IL1RAPL1: variants seen among roughly 807,000 people sequenced by gnomAD.
IL1RAPL1 encodes interleukin 1 receptor accessory protein like 1.
IL1RAPL1 carries 3 observed loss-of-function variants against 48.4 expected under a neutral mutation model. The ratio of observed to expected loss-of-function variants is 0.06; its 90% CI spans 0.03 to 0.16. The LOEUF (loss-of-function observed/expected upper bound fraction) is 0.16. Among genes scored for constraint, IL1RAPL1 ranks in the 10% least tolerant of loss-of-function variants. The pLI, the probability that IL1RAPL1 is intolerant of heterozygous loss-of-function variation, is 1.00. For missense variants in IL1RAPL1, 349 were observed against 530.6 expected (o/e 0.66, Z 3.36); for synonymous variants, 185 against 187.7 (o/e 0.99, Z 0.12).
At chrX:29,773,066 T>A (rs775154446) in intron 6 of IL1RAPL1, among the ~76,000 whole-genome samples, 1 of 112,249 alleles carries the variant, frequency 8.9e-6, no homozygotes, top group Non-Finnish European at 1.9e-5. Context: ...GAGAGAAATT[T>A]AAGTAAATAT....
chrX:29,008,132 G>A (rs1926027577), intron 2 of IL1RAPL1, among the ~76,000 whole-genome samples: 1 of 110,418 alleles, frequency 9.1e-6, no homozygotes, highest in African/African-American at 3.3e-5. Context: ...CTCCTGAGTA[G>A]CTGAGATTAC....
chrX:29,658,316 G>C (rs1438987469), intron 5 of IL1RAPL1, among the ~76,000 whole-genome samples: 1 of 111,528 alleles, frequency 9.0e-6, no homozygotes, highest in Non-Finnish European at 1.9e-5. Context: ...AATGTAGAAG[G>C]TGAAAAACGA....
chrX:29,279,435 C>CAAAAAAAAAAAAAAA (rs369340241), intron 2 of IL1RAPL1, among the ~76,000 whole-genome samples: 29 of 83,390 alleles, frequency 3.5e-4, no homozygotes, highest in African/African-American at 1.2e-3. Context: ...GACTCCATCT[C>CAAAAAAAAAAAAAAA]AAAAAAAAAA....
chrX:29,050,702 C>G (rs1011327638), intron 2 of IL1RAPL1, among the ~76,000 whole-genome samples: 4 of 112,341 alleles, frequency 3.6e-5, no homozygotes, highest in Non-Finnish European at 7.5e-5. Flanking sequence ...ATTTTCTGAA[C>G]TGCACAATCA....
intron 2 of IL1RAPL1, among the ~76,000 whole-genome samples, chrX:28,915,582 T>C (rs1416352610): frequency 8.9e-6 from 1 of 111,850 alleles, no homozygotes; most frequent in African/African-American, 3.2e-5. Context: ...TACATTATTA[T>C]TATTGTTTCT....
intron 2 of IL1RAPL1, among the ~76,000 whole-genome samples, chrX:28,943,573 C>T (rs987070940): frequency 1.8e-5 from 2 of 109,162 alleles, no homozygotes; most frequent in African/African-American, 6.6e-5. Context: ...AAAATTTCCC[C>T]AGCCCCTAAA....
intron 6 of IL1RAPL1, among the ~76,000 whole-genome samples, chrX:29,733,545 A>C (rs1927972705): frequency 8.9e-6 from 1 of 112,172 alleles, no homozygotes; most frequent in Non-Finnish European, 1.9e-5. Flanking sequence ...CTCATTGTAC[A>C]TGTCTCCAAC....
chrX:28,943,016 A>G (rs749126544), intron 2 of IL1RAPL1, among the ~76,000 whole-genome samples: 3 of 110,634 alleles, frequency 2.7e-5, no homozygotes, highest in Non-Finnish European at 3.8e-5. Context: ...AGATCAACAC[A>G]TTATGTGATG....
At chrX:29,321,598 CGT>C (rs1569284978) in intron 3 of IL1RAPL1, among the ~76,000 whole-genome samples, 4 of 111,406 alleles carry the variant, frequency 3.6e-5, no homozygotes, top group Non-Finnish European at 7.5e-5. Flanking sequence ...TGTTTTAGTA[CGT>C]ATAATTTAGA....
At chrX:28,810,076 G>A (rs1936775859) in intron 2 of IL1RAPL1, among the ~76,000 whole-genome samples, 1 of 109,766 alleles carries the variant, frequency 9.1e-6, no homozygotes, top group South Asian at 3.8e-4. Flanking sequence ...AGGAGGGAGA[G>A]GTTCCTGTTT....
At chrX:29,358,530 A>T (rs773877396) in intron 3 of IL1RAPL1, among the ~76,000 whole-genome samples, 2 of 110,117 alleles carry the variant, frequency 1.8e-5, no homozygotes, top group African/African-American at 6.6e-5. Flanking sequence ...ACATAAATAC[A>T]TATGTGTTAT....
At chrX:29,799,464 A>G (rs776255703) in intron 6 of IL1RAPL1, among the ~76,000 whole-genome samples, 52 of 112,413 alleles carry the variant, frequency 4.6e-4, no homozygotes, top group Non-Finnish European at 8.6e-4. Context: ...AAAACCAATT[A>G]GGCCATTTAT....
intron 6 of IL1RAPL1, among the ~76,000 whole-genome samples, chrX:29,797,570 T>C (rs1929773829): frequency 9.0e-6 from 1 of 111,701 alleles, no homozygotes; most frequent in Non-Finnish European, 1.9e-5. Flanking sequence ...ATTTGCATCA[T>C]CTCCAAAGAG....
intron 5 of IL1RAPL1, among the ~76,000 whole-genome samples, chrX:29,659,489 C>T (rs192529723): frequency 0.079 from 8,865 of 111,999 alleles, 293 homozygotes; most frequent in Middle Eastern, 0.2. Context: ...TACTACTTTA[C>T]GTTTCCACCA....
intron 2 of IL1RAPL1, among the ~76,000 whole-genome samples, chrX:28,928,917 CAAAACAA>C (rs1923814906): frequency 8.9e-6 from 1 of 112,128 alleles, no homozygotes; most frequent in Non-Finnish European, 1.9e-5. Flanking sequence ...AGGATGAAGT[CAAAACAA>C]ACTGTACTGT....
rs756126045 is a variant in IL1RAPL1 at position 29,772,020 on chromosome X, C to T, written c.778+103516C>T. Among the ~76,000 whole-genome samples, 11 of 110,280 alleles carry T rather than the reference C, an allele frequency of 1.0e-4. No homozygotes were observed. In the South Asian group the frequency reaches 1.6e-3, roughly 16 times the overall value. On this transcript the variant is annotated intron_variant, in intron 6 of 10. Coordinates refer to ENST00000378993, the MANE Select transcript of IL1RAPL1 (RefSeq NM_014271.4). ...TCACAAGAACAGCATGGGAGAGACC[C>T]GCCTCCATGATTCAGTTGCCTCCCA...
chrX:29,682,148 T>C (rs1266301205), intron 6 of IL1RAPL1, among the ~76,000 whole-genome samples: 1 of 112,024 alleles, frequency 8.9e-6, no homozygotes, highest in Non-Finnish European at 1.9e-5. Flanking sequence ...TTAATTGATA[T>C]TCTTTTAACC....
chrX:28,876,574 T>G (rs1409748674), intron 2 of IL1RAPL1, among the ~76,000 whole-genome samples: 6 of 111,474 alleles, frequency 5.4e-5, no homozygotes, highest in Non-Finnish European at 1.1e-4. Flanking sequence ...CACCCTAACT[T>G]GATTCCCTCC....
rs190423149 is a variant in IL1RAPL1, at chrX:29,588,876, A to T, written c.704-79554A>T. ...ACACTTCTATATGTTAATCAATAAC[A>T]TCAGGTCTGATCATTTAGGCTACTT... On this transcript the variant is annotated intron_variant, in intron 5 of 10. Transcript: ENST00000378993. Among the ~76,000 whole-genome samples, 303 of 112,155 alleles carry T rather than the reference A, an allele frequency of 2.7e-3. 1 individual carries two copies. Among genetic ancestry groups the T allele is most frequent in the Middle Eastern group, 4.6e-3 (1 of 217 alleles).
Sources: gnomAD v4.1 joint callset for allele counts (sites outside exome capture counted in the v4.1 genomes callset) on GRCh38, gnomAD v4.1.1 for gene constraint, MANE v1.5 for transcripts, NCBI Gene and HGNC (gene_info 2026-07-23, HGNC 2026-07-21) for gene names.